STPG2: variants seen among roughly 807,000 people sequenced by gnomAD.
STPG2 encodes sperm-tail PG-rich repeat-containing protein 2.
STPG2 carries 56 observed loss-of-function variants against 54.2 expected under a neutral mutation model. That is an observed-to-expected ratio of 1.03 (90% CI 0.83 to 1.29). The LOEUF (loss-of-function observed/expected upper bound fraction) is 1.29, where lower values mean the gene tolerates loss of function less well. Among genes scored for constraint, STPG2 ranks in the 50% most tolerant of loss-of-function variants. STPG2 has a pLI of 0.00. For synonymous variants in STPG2, 200 were observed against 181.8 expected, an observed-to-expected ratio of 1.10 and a Z score of -0.81; for missense variants, 596 against 544.9, an observed-to-expected ratio of 1.09 and a Z score of -0.93.
chr4:97,519,429 T>A (rs1002558009), intron 4 of STPG2, among the ~76,000 whole-genome samples: 2 of 151,820 alleles, frequency 1.3e-5, no homozygotes, highest in African/African-American at 4.8e-5. Flanking sequence ...TGTGGAGAGA[T>A]CAGTATAGGC....
At chr4:97,510,419 TTATC>T (rs1416689347) in intron 4 of STPG2, among the ~76,000 whole-genome samples, 1 of 152,150 alleles carries the variant, frequency 6.6e-6, no homozygotes, top group African/African-American at 2.4e-5. Flanking sequence ...AGATTCTAAA[TTATC>T]TAATAATCTG....
chr4:97,607,133 A>G (rs1298698852), intron 10 of STPG2, among the ~76,000 whole-genome samples: 1 of 152,070 alleles, frequency 6.6e-6, no homozygotes, highest in Non-Finnish European at 1.5e-5. Context: ...AATTTGATAT[A>G]CATTATTTTA....
At chr4:97,906,097 A>C (rs895347374) in intron 8 of STPG2, among the ~76,000 whole-genome samples, 1 of 152,156 alleles carries the variant, frequency 6.6e-6, no homozygotes. Context: ...TGAAAGGATC[A>C]ACAAAACTGA....
At chr4:97,492,215 A>G (rs1730517698) in intron 4 of STPG2, among the ~76,000 whole-genome samples, 1 of 151,444 alleles carries the variant, frequency 6.6e-6, no homozygotes, top group Admixed American at 6.6e-5. Flanking sequence ...TCGAAGAACT[A>G]CTTGTCTTCT....
intron 5 of STPG2, among the ~76,000 whole-genome samples, chr4:98,073,907 A>G (rs1738081091): frequency 6.6e-6 from 1 of 152,192 alleles, no homozygotes; most frequent in South Asian, 2.1e-4. Context: ...AACTTCTAAA[A>G]TAGGAGTAAA....
At chr4:98,032,627 C>A (rs541310338) in intron 5 of STPG2, among the ~76,000 whole-genome samples, 3 of 152,160 alleles carry the variant, frequency 2.0e-5, no homozygotes, top group Non-Finnish European at 4.4e-5. Context: ...CACCCCAAAT[C>A]AACAGAATAT....
At chr4:97,488,809 G>A (rs1730433064) in intron 4 of STPG2, among the ~76,000 whole-genome samples, 1 of 151,710 alleles carries the variant, frequency 6.6e-6, no homozygotes, top group African/African-American at 2.4e-5. Flanking sequence ...TTCATCTATG[G>A]TAACTACATG....
rs1310581676 is a variant in STPG2 at position 98,077,410 on chromosome 4, T to C, written c.612+28543A>G. On this transcript the variant is annotated intron_variant, in intron 5 of 10. Transcript: ENST00000295268. The stretch of plus-strand genomic sequence containing the variant: ...GGCGCGTACCACCACGCCCGCCTAA[T>C]TTTTTGTATTTAACACGGGGTTTCA... 2.0e-5 allele frequency among the ~76,000 whole-genome samples: 3 copies of C among 152,168 alleles called. No individual in the cohort carries two copies. In the East Asian group the frequency reaches 5.8e-4, roughly 29 times the overall value.
intron 9 of STPG2, among the ~76,000 whole-genome samples, chr4:97,820,536 A>G (rs1196596769): frequency 6.6e-6 from 1 of 152,228 alleles, no homozygotes; most frequent in African/African-American, 2.4e-5. Flanking sequence ...AAGAAAATTA[A>G]AAATGCTACC....
intron 10 of STPG2, among the ~76,000 whole-genome samples, chr4:97,633,072 T>C (rs1721346700): frequency 6.6e-6 from 1 of 152,138 alleles, no homozygotes; most frequent in South Asian, 2.1e-4. Flanking sequence ...TGTTACAATA[T>C]GCATGCATGT....
intron 10 of STPG2, among the ~76,000 whole-genome samples, chr4:97,700,588 C>T (rs1225591221): frequency 6.6e-6 from 1 of 152,200 alleles, no homozygotes; most frequent in Non-Finnish European, 1.5e-5. Context: ...AAGTGTCTCA[C>T]CAATAAGTCC....
chr4:97,840,033 C>T (rs1015107126), intron 9 of STPG2, among the ~76,000 whole-genome samples: 1 of 151,606 alleles, frequency 6.6e-6, no homozygotes, highest in East Asian at 1.9e-4. Context: ...TCATTTCCAG[C>T]AAGTGTTACT....
At chr4:97,996,563 A>G (rs1053301230) in intron 5 of STPG2, among the ~76,000 whole-genome samples, 1 of 152,274 alleles carries the variant, frequency 6.6e-6, no homozygotes, top group African/African-American at 2.4e-5. Context: ...ATTTCATGAC[A>G]AAGATGCCAA....
At chr4:97,511,283 T>C (rs919016579) in intron 4 of STPG2, among the ~76,000 whole-genome samples, 21 of 151,894 alleles carry the variant, frequency 1.4e-4, no homozygotes, top group Non-Finnish European at 2.2e-4. Context: ...TACTACAAAA[T>C]ACTAATTAAA....
chr4:97,693,055 C>T (rs1388427296), intron 10 of STPG2, among the ~76,000 whole-genome samples: 1 of 151,586 alleles, frequency 6.6e-6, no homozygotes, highest in Non-Finnish European at 1.5e-5. Flanking sequence ...TAGCTCTAAA[C>T]CTTGAAACAA....
intron 4 of STPG2, among the ~76,000 whole-genome samples, chr4:97,531,643 T>C (rs2148853653): frequency 6.6e-6 from 1 of 152,248 alleles, no homozygotes; most frequent in Admixed American, 6.5e-5. Flanking sequence ...CACTTATTTG[T>C]GGGAGCTAAA....
At chr4:97,695,663 A>G (rs959687401) in intron 10 of STPG2, among the ~76,000 whole-genome samples, 8 of 152,152 alleles carry the variant, frequency 5.3e-5, no homozygotes, top group African/African-American at 1.7e-4. Context: ...AGGATACTAC[A>G]TCAATGTACA....
At chr4:97,729,191 G>GAA (rs149574392) in intron 9 of STPG2, among the ~76,000 whole-genome samples, 3 of 143,374 alleles carry the variant, frequency 2.1e-5, no homozygotes, top group African/African-American at 7.6e-5. Flanking sequence ...AATTTCTGTT[G>GAA]AAAAAAAAAA....
At chr4:97,970,473 T>C (rs1734284983) in intron 7 of STPG2, among the ~76,000 whole-genome samples, 1 of 152,026 alleles carries the variant, frequency 6.6e-6, no homozygotes, top group African/African-American at 2.4e-5. Context: ...TACAGACCAA[T>C]GGAACAGAAC....
Sources: allele counts gnomAD v4.1 joint callset (sites outside exome capture counted in the v4.1 genomes callset), GRCh38; gene constraint gnomAD v4.1.1; transcripts MANE v1.5; gene names NCBI Gene and HGNC (gene_info 2026-07-23, HGNC 2026-07-21).